The following SFXN5 variants were observed in gnomAD, a reference collection of about 807,000 sequenced individuals.
SFXN5 encodes the protein sideroflexin-5.
SFXN5 carries 43 observed loss-of-function variants against 50.2 expected under a neutral mutation model. That is an observed-to-expected ratio of 0.86 (90% CI 0.67 to 1.11). The LOEUF is 1.11. Among genes scored for constraint, SFXN5 ranks in the 50% least tolerant of loss-of-function variants. The probability of loss-of-function intolerance (pLI) is 0.00; values close to 1 mark genes in which losing one functional copy is unlikely to be tolerated. For synonymous variants in SFXN5, 203 were observed against 185.8 expected (o/e 1.09, Z -0.75); for missense variants, 463 against 454.1 (o/e 1.02, Z -0.18).
intron 2 of SFXN5, among the ~76,000 whole-genome samples, chr2:73,057,665 C>A (rs1682320791): frequency 6.6e-6 from 1 of 152,106 alleles, no homozygotes; most frequent in African/African-American, 2.4e-5. Flanking sequence ...GCTTCTGTGT[C>A]CCCACCCAAA....
intron 9 of SFXN5, among the ~76,000 whole-genome samples, chr2:72,988,817 G>T (rs929310585): frequency 1.3e-5 from 2 of 152,098 alleles, no homozygotes; most frequent in African/African-American, 4.8e-5. Flanking sequence ...AGACCATAAG[G>T]GCTCAGGACA....
intron 9 of SFXN5, among the ~76,000 whole-genome samples, chr2:72,990,188 A>T (rs1672409339): frequency 6.6e-6 from 1 of 152,208 alleles, no homozygotes; most frequent in Non-Finnish European, 1.5e-5. Flanking sequence ...ACTTCCTGGC[A>T]TGCCCACCCT....
At position 73,041,045 on chromosome 2, in the gene SFXN5, C is replaced by T. The variant is rs1679565306; in HGVS notation, c.172-114G>A. On this transcript the variant is annotated intron_variant, in intron 2 of 13. Transcript: ENST00000272433. The stretch of plus-strand genomic sequence containing the variant: ...CTGCCAGTGCAAGGCTTTGGGCCTG[C>T]CCTCAGTTCATGGGACACACACAAA... 7.0e-6 allele frequency: 5 copies of T among 709,784 alleles called. No individual in the cohort carries two copies. The East Asian group carries it at 1.4e-4, about 20-fold the overall frequency. The allele number at this position is 709,784 out of a possible 1,614,324, so 44.0% of individuals were successfully genotyped here. A position where few individuals can be genotyped will look rare whatever the true frequency, so the allele number is the denominator to read the frequency against.
intron 2 of SFXN5, among the ~76,000 whole-genome samples, chr2:73,043,312 G>A (rs1281497512): frequency 6.6e-6 from 1 of 152,214 alleles, no homozygotes; most frequent in Admixed American, 6.5e-5. Flanking sequence ...TGTAGCCTCA[G>A]GAAGGGCCCT....
In SFXN5 at chr2:72,960,972, C is replaced by T. The variant is rs572200482; in HGVS notation, c.945+159G>A. Among the ~76,000 whole-genome samples, 2 of 152,344 alleles carry T rather than the reference C, an allele frequency of 1.3e-5. No individual in the cohort carries two copies. The highest frequency in any genetic ancestry group is 4.1e-4 in the South Asian group (2 of 4,826). ...TTTAATCACCCTGTTGACTGCGTGACCCTCACTCTGAGGGCCAGAGCCTGG... is the reference window on the plus strand; with the variant it reads ...TTTAATCACCCTGTTGACTGCGTGATCCTCACTCTGAGGGCCAGAGCCTGG... On this transcript the variant is annotated intron_variant, in intron 13 of 13. Coordinates refer to ENST00000272433, the MANE Select transcript of SFXN5 (RefSeq NM_144579.3). This position sits in a 1 kb window ranked among gnomAD's most constrained non-coding sequence, Gnocchi z 6.1.
chr2:73,047,229 A>G (rs1680463864), intron 2 of SFXN5, among the ~76,000 whole-genome samples: 1 of 19,564 alleles, frequency 5.1e-5, no homozygotes, highest in Non-Finnish European at 1.1e-4. Flanking sequence ...TAAAAAAAAA[A>G]AAAAAAAAAA....
chr2:73,020,124 A>G, intron 6 of SFXN5, 115 bp downstream of exon 6: 2 of 938,734 alleles, frequency 2.1e-6, no homozygotes, highest in South Asian at 1.6e-5. Context: ...ATTTCCCTCC[A>G]GGAATTGACT....
intron 1 of SFXN5, 97 bp downstream of exon 1, chr2:73,071,507 G>T (rs1446064288): frequency 3.5e-6 from 4 of 1,138,732 alleles, no homozygotes; most frequent in African/African-American, 3.2e-5. Flanking sequence ...CGCTGGCCGC[G>T]GGTGGGAGAC....
Position 73,000,490 on chromosome 2 carries a change from G to C in SFXN5, c.412-3C>G, listed in dbSNP as rs1349314952. The stretch of plus-strand genomic sequence containing the variant: ...GCATTGTGGCTCTGGTTCAGCCACT[G>C]AAAGGCAATGATGAGAGAAGTCAGG... On this transcript the variant is annotated splice_region_variant and splice_polypyrimidine_tract_variant and intron_variant, in intron 7 of 13. Coordinates refer to ENST00000272433, the MANE Select transcript of SFXN5 (RefSeq NM_144579.3). The C allele has an allele frequency of 1.9e-6, 3 of 1,557,612 alleles. No individual in the cohort carries two copies. The Admixed American group carries it at 5.8e-5, about 30-fold the overall frequency.
In SFXN5 at chr2:73,071,493, G is replaced by A. The variant is rs1370944718; in HGVS notation, c.102+111C>T. 12 of 973,436 alleles carry A rather than the reference G, an allele frequency of 1.2e-5. No individual in the cohort carries two copies. In the South Asian group the frequency reaches 1.9e-4, roughly 15 times the overall value. The allele number at this position is 973,436 out of a possible 1,614,324, so 60.3% of individuals were successfully genotyped here. ...GTTCCCCCCCTGGCGCTAGCTGCAG[G>A]CTCCGCTGGCCGCGGGTGGGAGACC... On this transcript the variant is annotated intron_variant, in intron 1 of 13. Coordinates refer to ENST00000272433, the MANE Select transcript of SFXN5 (RefSeq NM_144579.3).
At chr2:73,060,633 G>C (rs987143909) in intron 1 of SFXN5, among the ~76,000 whole-genome samples, 7 of 151,898 alleles carry the variant, frequency 4.6e-5, no homozygotes, top group African/African-American at 1.7e-4. Context: ...GTTAATAAAA[G>C]TGTTGTATCC....
chr2:72,991,004 T>TAAG (rs1183035750), intron 9 of SFXN5, among the ~76,000 whole-genome samples: 2 of 152,142 alleles, frequency 1.3e-5, no homozygotes, highest in African/African-American at 4.8e-5. Flanking sequence ...CTTGACAATT[T>TAAG]AAGAAGATAT....
At chr2:72,982,743 C>T (rs1352676063) in intron 10 of SFXN5, among the ~76,000 whole-genome samples, 1 of 152,096 alleles carries the variant, frequency 6.6e-6, no homozygotes, top group Non-Finnish European at 1.5e-5. Flanking sequence ...GCCTGGTAGT[C>T]GAGGGAGGGC....
Position 72,950,211 on chromosome 2 carries a change from G to C in SFXN5, c.946-5112C>G, listed in dbSNP as rs1464186674. Among the ~76,000 whole-genome samples the C allele has an allele frequency of 6.6e-6, 1 of 152,138 alleles. No individual in the cohort carries two copies. Among genetic ancestry groups the C allele is most frequent in the Non-Finnish European group, 1.5e-5 (1 of 68,028 alleles). On this transcript the variant is annotated intron_variant, in intron 13 of 13. Transcript: ENST00000272433. This position sits in a 1 kb window ranked among gnomAD's most constrained non-coding sequence, Gnocchi z 4.2. ...GGTGGCCTTGGGGGACCAGCCCGAGGAGCGAACGTAATGACAGAGGGTGCC... is the reference window on the plus strand; with the variant it reads ...GGTGGCCTTGGGGGACCAGCCCGAGCAGCGAACGTAATGACAGAGGGTGCC...
At chr2:73,070,078 G>C in intron 1 of SFXN5, among the ~76,000 whole-genome samples, 1 of 152,230 alleles carries the variant, frequency 6.6e-6, no homozygotes, top group East Asian at 1.9e-4. Context: ...GATCTGATGG[G>C]ACCAGAGAAG....
rs191717225 is a variant in SFXN5 at position 73,046,918 on chromosome 2, T to C, written c.172-5987A>G. ...TTTAAATGGACATCTCACTTGCTGC[T>C]ATTGGGAGTATAAATATAAAATCTT... On this transcript the variant is annotated intron_variant, in intron 2 of 13. Transcript: ENST00000272433. Among the ~76,000 whole-genome samples the C allele has an allele frequency of 6.6e-4, 100 of 151,538 alleles. 2 individuals are homozygous for C. The highest frequency in any genetic ancestry group is 3.4e-3 in the Middle Eastern group (1 of 294).
intron 6 of SFXN5, among the ~76,000 whole-genome samples, chr2:73,004,317 A>ACG (rs1243479151): frequency 1.9e-5 from 2 of 102,844 alleles, no homozygotes; most frequent in African/African-American, 9.1e-5. Flanking sequence ...GTGCGCGCGC[A>ACG]CACACACACA....
At chr2:73,038,253 T>A (rs1679210265) in intron 3 of SFXN5, among the ~76,000 whole-genome samples, 1 of 152,224 alleles carries the variant, frequency 6.6e-6, no homozygotes, top group African/African-American at 2.4e-5. Flanking sequence ...TATTTGTGTA[T>A]GTAAACGGTT....
intron 2 of SFXN5, among the ~76,000 whole-genome samples, chr2:73,042,205 T>C (rs1323840564): frequency 2.0e-5 from 3 of 152,302 alleles, no homozygotes; most frequent in East Asian, 3.9e-4. Flanking sequence ...AAAAGACTTG[T>C]ATAAGAATGT....
Sources: allele counts gnomAD v4.1 joint callset (sites outside exome capture counted in the v4.1 genomes callset), GRCh38; gene constraint gnomAD v4.1.1; non-coding constraint Gnocchi (gnomAD v3.1); transcripts MANE v1.5; gene names NCBI Gene and HGNC (gene_info 2026-07-23, HGNC 2026-07-21).